Variants in RBFOX1 observed in about 807,000 individuals in gnomAD.
RBFOX1 encodes RNA binding fox-1 homolog 1.
A neutral mutation model predicts 57.7 loss-of-function variants in RBFOX1; 8 were observed. The ratio of observed to expected loss-of-function variants is 0.14; its 90% CI spans 0.08 to 0.25. The LOEUF (loss-of-function observed/expected upper bound fraction) is 0.25. Ranked by LOEUF, RBFOX1 falls within the 10% of genes least tolerant of loss-of-function variation. The pLI is 1.00. For synonymous variants in RBFOX1, 326 were observed against 222.4 expected, an observed-to-expected ratio of 1.47 and a Z score of -4.15; for missense variants, 611 against 548.5, an observed-to-expected ratio of 1.11 and a Z score of -1.14.
chr16:5,665,071 G>A (rs1453147998), intron 3 of RBFOX1, among the ~76,000 whole-genome samples: 3 of 148,374 alleles, frequency 2.0e-5, no homozygotes, highest in African/African-American at 5.0e-5. Context: ...CCAGGCTCCC[G>A]AGTAGCTGAG....
intron 4 of RBFOX1, among the ~76,000 whole-genome samples, chr16:7,488,170 C>G (rs1340468452): frequency 1.3e-5 from 2 of 152,120 alleles, no homozygotes; most frequent in Non-Finnish European, 2.9e-5. Context: ...TGAGCTGGTC[C>G]TGCTCACATC....
intron 3 of RBFOX1, among the ~76,000 whole-genome samples, chr16:6,898,310 G>C (rs764699313): frequency 2.0e-5 from 3 of 152,094 alleles, no homozygotes; most frequent in Non-Finnish European, 4.4e-5. Flanking sequence ...CGACCTCTCA[G>C]AGCATAGCTT....
In RBFOX1 at chr16:6,933,525, C is replaced by T. The variant is rs753747118; in HGVS notation, c.-15-118532C>T. On this transcript the variant is annotated intron_variant, in intron 3 of 15. Coordinates refer to ENST00000550418, the MANE Select transcript of RBFOX1 (RefSeq NM_018723.4). ...GTCAGGAGTTCCAGACCAGCCTGAC[C>T]AGCATGGTGAAATCTCTTCTCTACT... Among the ~76,000 whole-genome samples, 4 of 152,188 alleles carry T rather than the reference C, an allele frequency of 2.6e-5. 1 individual carries two copies. Among genetic ancestry groups the T allele is most frequent in the South Asian group, 4.1e-4 (2 of 4,826 alleles).
intron 3 of RBFOX1, among the ~76,000 whole-genome samples, chr16:6,740,202 G>C (rs2071628559): frequency 6.6e-6 from 1 of 152,048 alleles, no homozygotes; most frequent in Admixed American, 6.6e-5. Flanking sequence ...GAAAACATTT[G>C]ACAAAATTGA....
intron 11 of RBFOX1, among the ~76,000 whole-genome samples, chr16:7,652,746 G>A (rs2006721): frequency 2.6e-5 from 4 of 151,936 alleles, no homozygotes; most frequent in Admixed American, 2.0e-4. Flanking sequence ...CAGACTTATC[G>A]CGTATTTGTA....
intron 1 of RBFOX1, among the ~76,000 whole-genome samples, chr16:6,244,496 G>C (rs13330852): frequency 0.041 from 6,186 of 152,126 alleles, 410 homozygotes; most frequent in African/African-American, 0.14. Flanking sequence ...GTGTGTCTCT[G>C]TAACTTCATA....
intron 3 of RBFOX1, among the ~76,000 whole-genome samples, chr16:6,883,879 T>C (rs1423113327): frequency 1.3e-5 from 2 of 152,168 alleles, no homozygotes; most frequent in African/African-American, 4.8e-5. Context: ...GTTAAATGTT[T>C]TTAATAAAAG....
At chr16:6,320,054 A>G (rs112491208) in intron 2 of RBFOX1, among the ~76,000 whole-genome samples, 1 of 152,134 alleles carries the variant, frequency 6.6e-6, no homozygotes, top group Non-Finnish European at 1.5e-5. Context: ...TTTCAAAAGC[A>G]TACTCTTAAT....
At chr16:5,877,755 C>T (rs1462776493) in intron 4 of RBFOX1, among the ~76,000 whole-genome samples, 1 of 152,218 alleles carries the variant, frequency 6.6e-6, no homozygotes, top group Non-Finnish European at 1.5e-5. Context: ...TAATTACATG[C>T]AAATTAAGGA....
intron 14 of RBFOX1, among the ~76,000 whole-genome samples, chr16:7,706,971 G>A (rs1309966059): frequency 6.6e-6 from 1 of 152,120 alleles, no homozygotes; most frequent in Non-Finnish European, 1.5e-5. Context: ...CCAGAAAGAA[G>A]GATAATCGTT....
At position 7,609,618 on chromosome 16, in the gene RBFOX1, A is replaced by C. The variant is rs116822592; in HGVS notation, c.676+2280A>C. Among the ~76,000 whole-genome samples the C allele has an allele frequency of 4.2e-3, 638 of 152,290 alleles. 5 individuals carry two copies. The highest frequency in any genetic ancestry group is 0.014 in the African/African-American group (602 of 41,556). On this transcript the variant is annotated intron_variant, in intron 10 of 15. Transcript: ENST00000550418. ...ACTTTCTATGGGCCAGCACTGTTCTAAGCACTGTACATAAGTTTAATGTAT... is the reference window on the plus strand; with the variant it reads ...ACTTTCTATGGGCCAGCACTGTTCTCAGCACTGTACATAAGTTTAATGTAT...
At chr16:6,246,188 G>T (rs12445734) in intron 1 of RBFOX1, among the ~76,000 whole-genome samples, 1 of 151,920 alleles carries the variant, frequency 6.6e-6, no homozygotes, top group African/African-American at 2.4e-5. Context: ...TGCATGACTC[G>T]TGAAGTAAGG....
At chr16:6,960,896 G>A (rs971785035) in intron 3 of RBFOX1, among the ~76,000 whole-genome samples, 10 of 151,058 alleles carry the variant, frequency 6.6e-5, no homozygotes, top group African/African-American at 2.4e-4. Context: ...CACTTTGGAA[G>A]GCCAAGGTGG....
chr16:7,099,862 C>T (rs572735527), intron 4 of RBFOX1, among the ~76,000 whole-genome samples: 1 of 152,230 alleles, frequency 6.6e-6, no homozygotes, highest in African/African-American at 2.4e-5. Flanking sequence ...CGTGCGGTTA[C>T]AGCCTCTAAG....
At chr16:7,207,029 C>T (rs1173096598) in intron 4 of RBFOX1, among the ~76,000 whole-genome samples, 3 of 152,144 alleles carry the variant, frequency 2.0e-5, no homozygotes, top group Non-Finnish European at 4.4e-5. Flanking sequence ...CATGCTTCAT[C>T]CTGGCAACTT....
chr16:7,002,834 T>G (rs2092948800), intron 3 of RBFOX1, among the ~76,000 whole-genome samples: 1 of 152,158 alleles, frequency 6.6e-6, no homozygotes, highest in Admixed American at 6.5e-5. Context: ...AAAGGGAAAT[T>G]AGGCTGATAG....
intron 1 of RBFOX1, among the ~76,000 whole-genome samples, chr16:5,271,109 G>C (rs537109389): frequency 6.6e-6 from 1 of 152,266 alleles, no homozygotes; most frequent in South Asian, 2.1e-4. Context: ...CTTGAACCTG[G>C]GAGACAGAGG....
chr16:7,287,518 C>T (rs1278706058), intron 4 of RBFOX1, among the ~76,000 whole-genome samples: 1 of 152,186 alleles, frequency 6.6e-6, no homozygotes, highest in African/African-American at 2.4e-5. Flanking sequence ...CATGGTGAGG[C>T]TCTGACCTGG....
intron 1 of RBFOX1, among the ~76,000 whole-genome samples, chr16:6,044,019 C>T (rs139342651): frequency 5.9e-5 from 9 of 152,240 alleles, no homozygotes; most frequent in African/African-American, 1.2e-4. Flanking sequence ...TGTGGTTTCC[C>T]GGTGCTCTGC....
Sources: allele counts gnomAD v4.1 joint callset (sites outside exome capture counted in the v4.1 genomes callset), GRCh38; gene constraint gnomAD v4.1.1; transcripts MANE v1.5; gene names NCBI Gene and HGNC (gene_info 2026-07-23, HGNC 2026-07-21).